GABRG3: variants seen among roughly 807,000 people sequenced by gnomAD.
GABRG3 encodes gamma-aminobutyric acid type A receptor subunit gamma3.
GABRG3 carries 25 observed loss-of-function variants against 48.8 expected under a neutral mutation model. That is an observed-to-expected ratio of 0.51 (90% CI 0.37 to 0.72). GABRG3 has a LOEUF of 0.72. GABRG3 is among the 30% of genes least tolerant of loss of function. The pLI, the probability that GABRG3 is intolerant of heterozygous loss-of-function variation, is 0.00. For missense variants in GABRG3, 394 were observed against 577.9 expected, an observed-to-expected ratio of 0.68 and a Z score of 3.26; for synonymous variants, 227 against 217.6, an observed-to-expected ratio of 1.04 and a Z score of -0.38.
chr15:27,349,765 G>A (rs1894492971), intron 5 of GABRG3, among the ~76,000 whole-genome samples: 2 of 152,112 alleles, frequency 1.3e-5, no homozygotes, highest in South Asian at 2.1e-4. Flanking sequence ...TTACAGAGGA[G>A]AACTGAGAGG....
chr15:26,981,978 T>G (rs543837487), intron 2 of GABRG3, among the ~76,000 whole-genome samples: 2 of 152,298 alleles, frequency 1.3e-5, no homozygotes, highest in South Asian at 4.2e-4. Flanking sequence ...CATATCACCC[T>G]TCATGCCTCA....
chr15:27,381,463 T>C (rs537908904), intron 5 of GABRG3, among the ~76,000 whole-genome samples: 64 of 152,318 alleles, frequency 4.2e-4, no homozygotes, highest in African/African-American at 1.4e-3. Context: ...TTTTTAACTC[T>C]GAGATTTTTG....
At chr15:27,077,063 C>T (rs1318994282) in intron 3 of GABRG3, among the ~76,000 whole-genome samples, 1 of 152,166 alleles carries the variant, frequency 6.6e-6, no homozygotes, top group African/African-American at 2.4e-5. Context: ...GATTCTGTAA[C>T]GCTGCTGAAG....
intron 2 of GABRG3, among the ~76,000 whole-genome samples, chr15:27,021,695 T>A (rs1895898985): frequency 6.6e-6 from 1 of 151,960 alleles, no homozygotes; most frequent in South Asian, 2.1e-4. Flanking sequence ...ATTAAAAAAT[T>A]AGCCTGATAT....
chr15:27,290,733 C>T (rs1891768700), intron 3 of GABRG3, among the ~76,000 whole-genome samples: 1 of 152,126 alleles, frequency 6.6e-6, no homozygotes, highest in African/African-American at 2.4e-5. Flanking sequence ...GACATGATGG[C>T]TAAATGTGAT....
chr15:27,396,490 C>A (rs1324386272), intron 5 of GABRG3, among the ~76,000 whole-genome samples: 1 of 152,178 alleles, frequency 6.6e-6, no homozygotes, highest in Admixed American at 6.5e-5. Context: ...TGAAAAATTG[C>A]AGAATAAATG....
chr15:27,479,609 T>C (rs565550877), intron 5 of GABRG3, among the ~76,000 whole-genome samples: 1 of 152,394 alleles, frequency 6.6e-6, no homozygotes, highest in East Asian at 1.9e-4. Flanking sequence ...TTTGCATACA[T>C]ATGTGTGCAC....
intron 3 of GABRG3, among the ~76,000 whole-genome samples, chr15:27,193,723 C>G (rs1195969174): frequency 1.3e-5 from 2 of 152,148 alleles, no homozygotes; most frequent in African/African-American, 4.8e-5. Context: ...TGCGCTGCAC[C>G]CACTGACCTG....
intron 3 of GABRG3, among the ~76,000 whole-genome samples, chr15:27,195,924 C>T (rs1034080438): frequency 5.8e-5 from 8 of 137,516 alleles, no homozygotes; most frequent in African/African-American, 1.5e-4. Context: ...CATCAGCCAC[C>T]GCACCCAGCC....
chr15:27,487,085 T>C (rs897197633), intron 6 of GABRG3, among the ~76,000 whole-genome samples: 16 of 152,194 alleles, frequency 1.1e-4, no homozygotes, highest in African/African-American at 3.4e-4. Context: ...AAAAATAGTG[T>C]CAGTATCTTT....
chr15:26,985,713 G>A (rs767044286), intron 2 of GABRG3, among the ~76,000 whole-genome samples: 4 of 152,122 alleles, frequency 2.6e-5, no homozygotes, highest in Non-Finnish European at 5.9e-5. Context: ...CCCGCCACAG[G>A]TTTTGAGAGA....
At chr15:27,038,078 C>T (rs1896209493) in intron 3 of GABRG3, among the ~76,000 whole-genome samples, 2 of 152,162 alleles carry the variant, frequency 1.3e-5, no homozygotes, top group Non-Finnish European at 2.9e-5. Flanking sequence ...GGGTCCTGGT[C>T]CATGCTCCGT....
intron 3 of GABRG3, among the ~76,000 whole-genome samples, chr15:27,312,733 A>G (rs1033774112): frequency 5.3e-5 from 8 of 152,134 alleles, no homozygotes; most frequent in Non-Finnish European, 8.8e-5. Context: ...AAAAGCTGAG[A>G]AAGTTCATCA....
At chr15:27,529,889 TA>T (rs539243697) in intron 9 of GABRG3, among the ~76,000 whole-genome samples, 2,538 of 116,476 alleles carry the variant, frequency 0.022, 16 homozygotes, top group East Asian at 0.04. Flanking sequence ...AGCAGAAAAT[TA>T]AAAAAAAAAA....
At chr15:27,253,626 G>A (rs1421851053) in intron 3 of GABRG3, among the ~76,000 whole-genome samples, 2 of 152,186 alleles carry the variant, frequency 1.3e-5, no homozygotes, top group African/African-American at 2.4e-5. Flanking sequence ...CTGGACACAG[G>A]GGCAGAGCGG....
chr15:27,204,537 A>G (rs1315473665), intron 3 of GABRG3, among the ~76,000 whole-genome samples: 1 of 152,016 alleles, frequency 6.6e-6, no homozygotes, highest in Non-Finnish European at 1.5e-5. Flanking sequence ...TTTGGTTCCA[A>G]ATGAATTTTA....
intron 3 of GABRG3, among the ~76,000 whole-genome samples, chr15:27,154,751 G>A (rs979515682): frequency 1.3e-5 from 2 of 151,846 alleles, no homozygotes; most frequent in African/African-American, 2.4e-5. Context: ...TATCTTTAAG[G>A]TTTATGCACA....
rs116731131 is a variant in GABRG3 at position 27,126,839 on chromosome 15, G to A, written c.270+100018G>A. On this transcript the variant is annotated intron_variant, in intron 3 of 9. Transcript: ENST00000615808. ...AATGACCCAAAACCTGAAATATGCAGCATTGGCTTCAGGTGACAGCGATGG... is the reference window on the plus strand; with the variant it reads ...AATGACCCAAAACCTGAAATATGCAACATTGGCTTCAGGTGACAGCGATGG... 4.7e-3 allele frequency among the ~76,000 whole-genome samples: 719 copies of A among 152,266 alleles called. 4 individuals are homozygous for A. Among genetic ancestry groups the A allele is most frequent in the African/African-American group, 0.017 (688 of 41,556 alleles).
intron 3 of GABRG3, among the ~76,000 whole-genome samples, chr15:27,219,563 A>G (rs1889383211): frequency 6.6e-6 from 1 of 152,146 alleles, no homozygotes; most frequent in South Asian, 2.1e-4. Context: ...CCCTGGATGC[A>G]GCATCCCACC....
Sources: allele counts gnomAD v4.1 joint callset (sites outside exome capture counted in the v4.1 genomes callset), GRCh38; gene constraint gnomAD v4.1.1; transcripts MANE v1.5; gene names NCBI Gene and HGNC (gene_info 2026-07-23, HGNC 2026-07-21).